The following SMYD2 variants were observed in gnomAD, a reference collection of about 807,000 sequenced individuals.
The protein encoded by SMYD2 is SET and MYND domain containing 2, also known as N-lysine methyltransferase SMYD2.
Under a neutral mutation model 59.1 loss-of-function variants are expected in SMYD2, and 53 were observed. The observed-to-expected ratio is 0.90, with a 90% CI of 0.72 to 1.13. The LOEUF is 1.13. Among genes scored for constraint, SMYD2 ranks in the 50% most tolerant of loss-of-function variants. SMYD2 has a pLI of 0.00. For missense variants in SMYD2, 494 were observed against 544.7 expected, an observed-to-expected ratio of 0.91 and a Z score of 0.93; for synonymous variants, 208 against 198.8, an observed-to-expected ratio of 1.05 and a Z score of -0.39.
At chr1:214,303,923 G>C (rs1363569171) in intron 1 of SMYD2, among the ~76,000 whole-genome samples, 1 of 152,234 alleles carries the variant, frequency 6.6e-6, no homozygotes, top group Non-Finnish European at 1.5e-5. Context: ...GCTTCACCGG[G>C]GTGGGCAAGA....
intron 10 of SMYD2, 73 bp from the exon 11 acceptor site, chr1:214,334,127 T>G: frequency 7.1e-7 from 1 of 1,407,420 alleles, no homozygotes; most frequent in East Asian, 2.3e-5. Flanking sequence ...AGCCTCCGGC[T>G]TACTGCACCC....
chr1:214,290,449 A>T (rs1246204267), intron 1 of SMYD2, among the ~76,000 whole-genome samples: 1 of 152,242 alleles, frequency 6.6e-6, no homozygotes, highest in East Asian at 1.9e-4. Flanking sequence ...GTTAGCTTTT[A>T]TAGAAAAAGT....
chr1:214,318,828 A>C lies in SMYD2; in HGVS notation c.410-31A>C, dbSNP rs1261548464. 2 of 1,610,294 alleles carry C rather than the reference A, an allele frequency of 1.2e-6. No homozygotes were observed. The highest frequency in any genetic ancestry group is 1.7e-6 in the Non-Finnish European group (2 of 1,178,776). On this transcript the variant is annotated intron_variant, in intron 4 of 11. Coordinates refer to ENST00000366957, the MANE Select transcript of SMYD2 (RefSeq NM_020197.3). The surrounding 1 kb of genome is among the most constrained non-coding windows in gnomAD (Gnocchi z 5.4). ...TGTAGCTAGAAATCCCACGCTTTCT[A>C]CTGGGTGAATAATGGATTATTTATC...
At chr1:214,327,082 T>C (rs538662752) in intron 6 of SMYD2, among the ~76,000 whole-genome samples, 1 of 152,366 alleles carries the variant, frequency 6.6e-6, no homozygotes, top group South Asian at 2.1e-4. Context: ...GGAGCAGTAA[T>C]GTCCCAATTT....
At chr1:214,325,418 A>T (rs530561935) in intron 6 of SMYD2, among the ~76,000 whole-genome samples, 3 of 152,344 alleles carry the variant, frequency 2.0e-5, no homozygotes, top group South Asian at 2.1e-4. Context: ...GGAATTCATC[A>T]TGCATCCCCC....
intron 1 of SMYD2, among the ~76,000 whole-genome samples, chr1:214,301,995 G>A (rs147089162): frequency 1.1e-4 from 16 of 152,250 alleles, no homozygotes; most frequent in Non-Finnish European, 1.9e-4. Flanking sequence ...CGTCGTCAGG[G>A]ACATTCGTGA....
At chr1:214,332,327 G>A in intron 10 of SMYD2, 135 bp downstream of exon 10, 1 of 1,026,934 alleles carries the variant, frequency 9.7e-7, no homozygotes, top group Non-Finnish European at 1.4e-6. Flanking sequence ...CACATCTGGA[G>A]GTGCTGGTGC....
intron 10 of SMYD2, chr1:214,333,084 A>G (rs534719800): frequency 2.6e-5 from 4 of 152,326 alleles, no homozygotes; most frequent in African/African-American, 4.8e-5. Flanking sequence ...TCCACCCTCT[A>G]CTTACCCCAC....
At chr1:214,284,567 C>CTT (rs763176844) in intron 1 of SMYD2, among the ~76,000 whole-genome samples, 1 of 125,200 alleles carries the variant, frequency 8.0e-6, no homozygotes. Flanking sequence ...AAGTTTTAGA[C>CTT]TTTTTTTTTT....
rs755402563 is a variant in SMYD2, at chr1:214,332,168, G to C, written c.1088G>C (p.Gly363Ala). ...GACTGGGAAGGAGCCCTGCAATATG[G>C]ACAGAAAATCATTAAGCCCTACAGG... ...MQDWEGALQY[G>A]QKIIKPYSKH... Residue 363 changes from glycine (G) to alanine (A), a missense_variant, in exon 10 of 12, where the codon GGA becomes GCA. Coordinates refer to ENST00000366957, the MANE Select transcript of SMYD2 (RefSeq NM_020197.3). 6.2e-7 allele frequency: 1 copy of C among 1,614,128 alleles called. No homozygotes were observed. Among genetic ancestry groups the C allele is most frequent in the Non-Finnish European group, 8.5e-7 (1 of 1,179,992 alleles).
At chr1:214,331,990 G>T (rs377428713) in intron 9 of SMYD2, 28 bp from the exon 10 acceptor site, 3 of 1,600,588 alleles carry the variant, frequency 1.9e-6, no homozygotes, top group East Asian at 2.2e-5. Context: ...GCTTGGGCCC[G>T]GTGGCCCTTT....
At chr1:214,311,385 A>G (rs1031130385) in intron 2 of SMYD2, among the ~76,000 whole-genome samples, 1 of 152,196 alleles carries the variant, frequency 6.6e-6, no homozygotes, top group African/African-American at 2.4e-5. Flanking sequence ...ATATCTGATT[A>G]TCACTGTTGG....
chr1:214,329,346 G>T (rs1425959167), intron 7 of SMYD2, among the ~76,000 whole-genome samples: 3 of 152,130 alleles, frequency 2.0e-5, no homozygotes, highest in Non-Finnish European at 1.5e-5. Flanking sequence ...GTGGTCACTG[G>T]CACGCTAGCG....
chr1:214,316,574 A>G (rs1436280034), intron 3 of SMYD2, among the ~76,000 whole-genome samples: 3 of 151,852 alleles, frequency 2.0e-5, no homozygotes, highest in African/African-American at 7.3e-5. Flanking sequence ...AAATTTTTCT[A>G]TTTTTTAATC....
chr1:214,324,637 GC>G lies in SMYD2; in HGVS notation c.535-3del. The G allele has an allele frequency of 6.2e-7, 1 of 1,603,708 alleles. No homozygotes were observed. Among genetic ancestry groups the G allele is most frequent in the Non-Finnish European group, 8.5e-7 (1 of 1,176,026 alleles). On this transcript the variant is annotated splice_polypyrimidine_tract_variant and splice_region_variant and intron_variant, in intron 5 of 11. Transcript: ENST00000366957. ...TTTTCCTTTCTCCCTTTTTCTTGCT[GC>G]AGGTTAACTGTAATGGCTTCACAAT...
At chr1:214,303,137 C>G (rs904473009) in intron 1 of SMYD2, among the ~76,000 whole-genome samples, 1 of 152,138 alleles carries the variant, frequency 6.6e-6, no homozygotes, top group African/African-American at 2.4e-5. Context: ...TCAGAGGTCT[C>G]TAACCTGCCC....
intron 1 of SMYD2, among the ~76,000 whole-genome samples, chr1:214,291,511 T>C (rs1265871342): frequency 1.3e-5 from 2 of 152,248 alleles, no homozygotes; most frequent in East Asian, 3.8e-4. Context: ...TACCCTTTTG[T>C]CCATTCTTCA....
chr1:214,297,693 A>G (rs780375562), intron 1 of SMYD2, among the ~76,000 whole-genome samples: 1 of 152,256 alleles, frequency 6.6e-6, no homozygotes, highest in African/African-American at 2.4e-5. Context: ...ACATATCTGA[A>G]TAATTTAAAC....
intron 11 of SMYD2, 85 bp from the exon 12 acceptor site, chr1:214,336,617 CAG>C: frequency 8.4e-7 from 1 of 1,190,466 alleles, no homozygotes; most frequent in East Asian, 2.4e-5. Context: ...TGCCTTAAAG[CAG>C]AGAGATCCAA....
Sources: allele counts gnomAD v4.1 joint callset (sites outside exome capture counted in the v4.1 genomes callset), GRCh38; gene constraint gnomAD v4.1.1; non-coding constraint Gnocchi (gnomAD v3.1); transcripts MANE v1.5; gene names NCBI Gene and HGNC (gene_info 2026-07-23, HGNC 2026-07-21).